Variants in APC observed in about 807,000 individuals in gnomAD.
The protein encoded by APC is APC regulator of Wnt signaling pathway.
A neutral mutation model predicts 247.0 loss-of-function variants in APC; 72 were observed. The observed-to-expected ratio is 0.29, with a 90% CI of 0.24 to 0.35. The LOEUF (loss-of-function observed/expected upper bound fraction) is 0.35. Ranked by LOEUF, APC falls within the 10% of genes least tolerant of loss-of-function variation. The probability of loss-of-function intolerance (pLI) is 1.00; values close to 1 mark genes in which losing one functional copy is unlikely to be tolerated. For missense variants in APC, 3,400 were observed against 3,360.7 expected (o/e 1.01, Z -0.29); for synonymous variants, 1,254 against 1,162.5 (o/e 1.08, Z -1.60).
chr5:112,840,492 C>T lies in APC; in HGVS notation c.4898C>T (p.Thr1633Ile), dbSNP rs765215625. 2 of 1,614,038 alleles carry T rather than the reference C, an allele frequency of 1.2e-6. No individual in the cohort carries two copies. The highest frequency in any genetic ancestry group is 2.7e-5 in the African/African-American group (2 of 74,914). ...CAACCCCAAAAGCATGTTAGTTTTA[C>T]ACCGGGGGATGATATGCCACGGGTG... ...RLQPQKHVSF[T>I]PGDDMPRVYC... Residue 1633 changes from threonine to isoleucine, a missense_variant, in exon 16 of 16, where the codon ACA becomes ATA. Transcript: ENST00000257430. This position sits in a 1 kb window ranked among gnomAD's most constrained non-coding sequence, Gnocchi z 4.1.
At position 112,839,904 on chromosome 5, in the gene APC, A is replaced by G. The variant is rs745825088; in HGVS notation, c.4310A>G (p.Lys1437Arg). ...PGQTMPPSRS[K>R]TPPPPPQTAQ... ...CAAACCATGCCACCAAGCAGAAGTA[A>G]AACACCTCCACCACCTCCTCAAACA... Residue 1437 changes from lysine to arginine, a missense_variant, in exon 16 of 16, where the codon AAA (lysine) becomes AGA (arginine). By Grantham distance (26) the Lys-to-Arg change is conservative. Transcript: ENST00000257430. The surrounding 1 kb of genome is among the most constrained non-coding windows in gnomAD (Gnocchi z 5.0). The G allele has an allele frequency of 1.4e-5, 22 of 1,613,952 alleles. No homozygotes were observed. The highest frequency in any genetic ancestry group is 1.7e-5 in the Admixed American group (1 of 59,988).
intron 1 of APC, among the ~76,000 whole-genome samples, chr5:112,741,630 A>C (rs1753037108): frequency 1.3e-5 from 2 of 152,306 alleles, no homozygotes; most frequent in Admixed American, 1.3e-4. Context: ...AATATACATA[A>C]AATTTACCAT....
intron 13 of APC, among the ~76,000 whole-genome samples, chr5:112,828,251 A>G (rs751476510): frequency 2.3e-4 from 35 of 152,146 alleles, no homozygotes; most frequent in South Asian, 4.1e-4. Context: ...GGCTCAAGCA[A>G]TCTGCCCACC....
intron 1 of APC, among the ~76,000 whole-genome samples, chr5:112,725,038 C>T (rs1276562189): frequency 6.6e-6 from 1 of 152,090 alleles, no homozygotes; most frequent in African/African-American, 2.4e-5. Flanking sequence ...GGCTGAAGTG[C>T]AGTGGCACAG....
At chr5:112,743,473 G>A (rs1308343675) in intron 1 of APC, among the ~76,000 whole-genome samples, 1 of 152,018 alleles carries the variant, frequency 6.6e-6, no homozygotes, top group Non-Finnish European at 1.5e-5. Context: ...GCGAATGTGT[G>A]TTACTTTCTT....
In APC at chr5:112,767,346, A is replaced by G. The variant is rs2149789509; in HGVS notation, c.378A>G (p.Gly126=). The G allele has an allele frequency of 6.2e-7, 1 of 1,614,176 alleles. No individual in the cohort carries two copies. The change falls in exon 4 of 16, where the codon GGA becomes GGG. Residue 126 remains glycine (G), a synonymous_variant. Transcript: ENST00000257430. ...GSFPRRGFVN[G]SRESTGYLEE... The stretch of plus-strand genomic sequence containing the variant: ...TTCCAAGAAGAGGGTTTGTAAATGG[A>G]AGCAGAGAAAGTACTGGATATTTAG...
intron 9 of APC, among the ~76,000 whole-genome samples, chr5:112,816,536 G>C (rs79171167): frequency 6.6e-6 from 1 of 152,150 alleles, no homozygotes; most frequent in African/African-American, 2.4e-5. Flanking sequence ...GCTCACACCT[G>C]TAATCCCAGA....
Position 112,815,603 on chromosome 5 carries a change from G to T in APC, c.933+10G>T, listed in dbSNP as rs749008865. Reference sequence around the variant, plus strand: ...TCATCTGGGAACCAAGGTAACAGAAGATTACAAACCCTGGTCACTAATGCC... The same window carrying T: ...TCATCTGGGAACCAAGGTAACAGAATATTACAAACCCTGGTCACTAATGCC... On this transcript the variant is annotated intron_variant, in intron 9 of 15. Coordinates refer to ENST00000257430, the MANE Select transcript of APC (RefSeq NM_000038.6). 6.2e-7 allele frequency: 1 copy of T among 1,603,394 alleles called. No individual in the cohort carries two copies. The highest frequency in any genetic ancestry group is 2.2e-5 in the East Asian group (1 of 44,582).
chr5:112,726,411 C>T (rs1394752918), intron 1 of APC, among the ~76,000 whole-genome samples: 1 of 152,190 alleles, frequency 6.6e-6, no homozygotes. Context: ...GCAATTTCCT[C>T]TCTGACCATC....
Position 112,811,623 on chromosome 5 carries a change from A to G in APC, c.835-3872A>G, listed in dbSNP as rs527429247. Among the ~76,000 whole-genome samples the G allele has an allele frequency of 3.3e-5, 5 of 152,334 alleles. No homozygotes were observed. The East Asian group carries it at 7.7e-4, about 23-fold the overall frequency. On this transcript the variant is annotated intron_variant, in intron 8 of 15. Transcript: ENST00000257430. Reference sequence around the variant, plus strand: ...GGAGCTATATAGGAAGATAACTAAGACTGAAGCTTAGAAAAGATTTGTTGT... The same window carrying G: ...GGAGCTATATAGGAAGATAACTAAGGCTGAAGCTTAGAAAAGATTTGTTGT...
rs147268065 is a variant in APC, at chr5:112,839,284, G to A, written c.3690G>A (p.Gln1230=). Residue 1230 remains glutamine (Q), a synonymous_variant, in exon 16 of 16, where the codon CAG becomes CAA. Transcript: ENST00000257430. This position sits in a 1 kb window ranked among gnomAD's most constrained non-coding sequence, Gnocchi z 5.0. ...TPSSNAKRQN[Q]LHPSSAQSRS... ...CATCTAATGCCAAGAGGCAGAATCA[G>A]CTCCATCCAAGTTCTGCACAGAGTA... The A allele has an allele frequency of 6.2e-7, 1 of 1,614,144 alleles. No homozygotes were observed.
intron 2 of APC, among the ~76,000 whole-genome samples, chr5:112,755,690 A>G (rs763695947): frequency 1.3e-5 from 2 of 152,270 alleles, no homozygotes; most frequent in Admixed American, 6.5e-5. Flanking sequence ...AAAATCGTCT[A>G]TAGTGGGGAA....
intron 4 of APC, among the ~76,000 whole-genome samples, chr5:112,774,286 T>C (rs1323546525): frequency 6.6e-6 from 1 of 152,066 alleles, no homozygotes; most frequent in Non-Finnish European, 1.5e-5. Flanking sequence ...TTCTCCAAAA[T>C]CCTAAAGTTT....
chr5:112,799,183 CAAAAAAAAAAA>C (rs754181440), intron 7 of APC, among the ~76,000 whole-genome samples: 1 of 79,888 alleles, frequency 1.3e-5, no homozygotes, highest in Admixed American at 1.4e-4. Context: ...GACTCTGTCT[CAAAAAAAAAAA>C]AAAAAAAAAA....
At chr5:112,757,077 G>C (rs1197981218) in intron 2 of APC, among the ~76,000 whole-genome samples, 1 of 152,092 alleles carries the variant, frequency 6.6e-6, no homozygotes, top group East Asian at 1.9e-4. Flanking sequence ...TGGCACTTCA[G>C]ATATACCTGA....
At chr5:112,772,043 T>G (rs1370586712) in intron 4 of APC, among the ~76,000 whole-genome samples, 1 of 152,228 alleles carries the variant, frequency 6.6e-6, no homozygotes, top group Non-Finnish European at 1.5e-5. Context: ...CAGCATTCAA[T>G]AATGTTAGGA....
chr5:112,755,082 T>C (rs1754810140), intron 2 of APC, 57 bp downstream of exon 2: 1 of 1,607,388 alleles, frequency 6.2e-7, no homozygotes, highest in East Asian at 2.2e-5. Flanking sequence ...GTATTCCCTC[T>C]TGTAAACTTG....
chr5:112,775,588 G>A (rs2149613843), intron 4 of APC, 41 bp from the exon 5 acceptor site: 2 of 1,222,356 alleles, frequency 1.6e-6, no homozygotes, highest in South Asian at 1.3e-5. Context: ...GTCTTTATTA[G>A]CATTGTTTAA....
intron 2 of APC, 200 bp downstream of exon 2, chr5:112,755,225 A>C (rs911448302): frequency 1.9e-5 from 7 of 371,528 alleles, no homozygotes; most frequent in Non-Finnish European, 2.6e-5. Context: ...AAAGAAAATA[A>C]GTGTAAAACT....
Sources: gnomAD v4.1 joint callset for allele counts (sites outside exome capture counted in the v4.1 genomes callset) on GRCh38, gnomAD v4.1.1 for gene constraint, Gnocchi (gnomAD v3.1) non-coding constraint, MANE v1.5 for transcripts, NCBI Gene and HGNC (gene_info 2026-07-23, HGNC 2026-07-21) for gene names.